Variants in KANK4 observed in about 807,000 individuals in gnomAD.
KANK4 encodes the protein KN motif and ankyrin repeat domain-containing protein 4.
Under a neutral mutation model 80.8 loss-of-function variants are expected in KANK4, and 50 were observed. That is an observed-to-expected ratio of 0.62 (90% CI 0.49 to 0.78). KANK4 has a LOEUF of 0.78. Ranked by LOEUF, KANK4 falls within the 30% of genes least tolerant of loss-of-function variation. The pLI is 0.00. For missense variants in KANK4, 1,196 were observed against 1,240.1 expected, an observed-to-expected ratio of 0.96 and a Z score of 0.53; for synonymous variants, 465 against 506.9, an observed-to-expected ratio of 0.92 and a Z score of 1.11.
rs770160300 is a variant in KANK4, at chr1:62,273,259, C to A, written c.1845G>T (p.Ser615=). 2 of 1,548,662 alleles carry A rather than the reference C, an allele frequency of 1.3e-6. No homozygotes were observed. The highest frequency in any genetic ancestry group is 2.0e-5 in the Admixed American group (1 of 50,606). Residue 615 remains serine (S), a synonymous_variant, in exon 3 of 10, where the codon TCG becomes TCT. Coordinates refer to ENST00000371153, the MANE Select transcript of KANK4 (RefSeq NM_181712.5). ...SSLNLLLSAY[S]AQAHPPKEPP... ...GCTCCTTGGGTGGGTGAGCCTGGGC[C>A]GAGTAGGCCGACAGCAGCAGGTTGA...
chr1:62,270,970 T>C (rs1672148160), intron 4 of KANK4, among the ~76,000 whole-genome samples: 1 of 152,230 alleles, frequency 6.6e-6, no homozygotes, highest in Non-Finnish European at 1.5e-5. Context: ...AATGACTGAT[T>C]TAGAAAATAT....
At chr1:62,271,081 G>T (rs952886765) in intron 4 of KANK4, among the ~76,000 whole-genome samples, 6 of 152,116 alleles carry the variant, frequency 3.9e-5, no homozygotes, top group Non-Finnish European at 7.3e-5. Flanking sequence ...CTTGGGTTTG[G>T]CTTGCAGGAA....
intron 8 of KANK4, among the ~76,000 whole-genome samples, chr1:62,252,056 T>C (rs374207378): frequency 6.6e-6 from 1 of 151,344 alleles, no homozygotes; most frequent in Admixed American, 6.6e-5. Context: ...ATCAGAGGTG[T>C]CTAGAGTAAC....
intron 7 of KANK4, 103 bp from the exon 8 acceptor site, chr1:62,253,312 T>C (rs1057489240): frequency 1.8e-6 from 2 of 1,105,360 alleles, no homozygotes; most frequent in Non-Finnish European, 1.3e-6. Context: ...TAGAAAGCCA[T>C]GGACTAGAGC....
chr1:62,259,919 T>C (rs17123246), intron 7 of KANK4, among the ~76,000 whole-genome samples: 2,184 of 152,220 alleles, frequency 0.014, 47 homozygotes, highest in African/African-American at 0.05. Context: ...CCCATACAGC[T>C]TTCCTAAACT....
chr1:62,313,493 C>G (rs1372469852), intron 1 of KANK4, among the ~76,000 whole-genome samples: 2 of 152,174 alleles, frequency 1.3e-5, no homozygotes, highest in Non-Finnish European at 2.9e-5. Flanking sequence ...CCTTTCTTTT[C>G]CTCTCACTCC....
chr1:62,241,819 C>T (rs1450686784), intron 9 of KANK4, among the ~76,000 whole-genome samples: 2 of 152,170 alleles, frequency 1.3e-5, no homozygotes, highest in Non-Finnish European at 2.9e-5. Flanking sequence ...CAATCCTAAG[C>T]CTCTATGTAA....
At chr1:62,294,323 T>C (rs1644340180) in intron 1 of KANK4, among the ~76,000 whole-genome samples, 1 of 152,126 alleles carries the variant, frequency 6.6e-6, no homozygotes, top group Non-Finnish European at 1.5e-5. Flanking sequence ...CAGCTCCACT[T>C]CCTCCCTCCT....
intron 9 of KANK4, among the ~76,000 whole-genome samples, chr1:62,246,100 G>A (rs1195119248): frequency 1.3e-5 from 2 of 152,206 alleles, no homozygotes; most frequent in African/African-American, 4.8e-5. Flanking sequence ...TCACAAGATT[G>A]TTGTGGGGTT....
chr1:62,297,770 A>G (rs1439095619), intron 1 of KANK4, among the ~76,000 whole-genome samples: 1 of 152,254 alleles, frequency 6.6e-6, no homozygotes, highest in Admixed American at 6.5e-5. Flanking sequence ...TTTAATCAAT[A>G]AAACACAATT....
In KANK4 at chr1:62,247,500, G is replaced by A. The variant is rs764283055; in HGVS notation, c.2855C>T (p.Pro952Leu). The change falls in exon 9 of 10, where the codon CCA (proline) becomes CTA (leucine). Residue 952 changes from proline (P) to leucine (L), a missense_variant. Pro to Leu is a moderately conservative substitution (Grantham distance 98). This residue lies in a region of KANK4 where 1,154 missense variants were observed against 1,179.6 expected (regional missense o/e 0.98). Transcript: ENST00000371153. Reference sequence around the variant, plus strand: ...GTCAGTCAGGCTGCTGTCGCAGGCTGGGTGTGCCAGGAGCAGCCGCACCAG... The same window carrying A: ...GTCAGTCAGGCTGCTGTCGCAGGCTAGGTGTGCCAGGAGCAGCCGCACCAG... ...VDLVRLLLAH[P>L]ACDSSLTDKA... The A allele has an allele frequency of 6.2e-7, 1 of 1,614,030 alleles. No homozygotes were observed. Among genetic ancestry groups the A allele is most frequent in the Non-Finnish European group, 8.5e-7 (1 of 1,180,036 alleles).
chr1:62,305,187 A>G (rs115167531), intron 1 of KANK4, among the ~76,000 whole-genome samples: 2,094 of 152,334 alleles, frequency 0.014, 46 homozygotes, highest in African/African-American at 0.048. Flanking sequence ...AAGCCTTCCT[A>G]TCAGAGAACA....
chr1:62,273,600 C>G lies in KANK4; in HGVS notation c.1504G>C (p.Glu502Gln). ...HSFLSTELRI[E>Q]EAGTEQEGGP... Reference sequence around the variant, plus strand: ...CCTTCCTGTTCAGTGCCTGCTTCTTCAATCCTGAGTTCAGTGGAGAGGAAG... The same window carrying G: ...CCTTCCTGTTCAGTGCCTGCTTCTTGAATCCTGAGTTCAGTGGAGAGGAAG... The change falls in exon 3 of 10, where the codon GAA becomes CAA. Residue 502 changes from glutamate to glutamine, a missense_variant. Transcript: ENST00000371153. 6.2e-7 allele frequency: 1 copy of G among 1,614,146 alleles called. No individual in the cohort carries two copies. The highest frequency in any genetic ancestry group is 8.5e-7 in the Non-Finnish European group (1 of 1,180,014).
At chr1:62,311,260 G>A (rs1644495398) in intron 1 of KANK4, among the ~76,000 whole-genome samples, 1 of 145,142 alleles carries the variant, frequency 6.9e-6, no homozygotes, top group African/African-American at 2.8e-5. Context: ...CCTAGAGCAA[G>A]TGTTTAACCT....
In KANK4 at chr1:62,274,704, C is replaced by T. The variant is rs1224314931; in HGVS notation, c.400G>A (p.Ala134Thr). 1.2e-6 allele frequency: 2 copies of T among 1,614,198 alleles called. No homozygotes were observed. The highest frequency in any genetic ancestry group is 1.7e-6 in the Non-Finnish European group (2 of 1,180,032). Residue 134 changes from alanine to threonine, a missense_variant, in exon 3 of 10, where the codon GCA becomes ACA. Ala to Thr is a moderately conservative substitution (Grantham distance 58). This residue lies in a region of KANK4 where 1,154 missense variants were observed against 1,179.6 expected (regional missense o/e 0.98). Coordinates refer to ENST00000371153, the MANE Select transcript of KANK4 (RefSeq NM_181712.5). ...GCTTCCAACTGTCTGGTGGCCTCTGCCAACAGAGCCTTCCTGTGGTAGCTC... is the reference window on the plus strand; with the variant it reads ...GCTTCCAACTGTCTGGTGGCCTCTGTCAACAGAGCCTTCCTGTGGTAGCTC... ...EVSYHRKALL[A>T]EATRQLEAAE...
intron 2 of KANK4, among the ~76,000 whole-genome samples, chr1:62,277,626 C>T (rs556796694): frequency 6.6e-6 from 1 of 152,170 alleles, no homozygotes; most frequent in Non-Finnish European, 1.5e-5. Flanking sequence ...TCCACCTTTC[C>T]TGAGACTGCC....
Position 62,257,577 on chromosome 1 carries a change from A to G in KANK4, c.2540-4368T>C, listed in dbSNP as rs577334863. On this transcript the variant is annotated intron_variant, in intron 7 of 9. Coordinates refer to ENST00000371153, the MANE Select transcript of KANK4 (RefSeq NM_181712.5). ...GCCGGCAGAGGTGCACTCTGGCTCTATTCTCAATAATGAGTCACTTCTGTA... is the reference window on the plus strand; with the variant it reads ...GCCGGCAGAGGTGCACTCTGGCTCTGTTCTCAATAATGAGTCACTTCTGTA... Among the ~76,000 whole-genome samples, 330 of 152,320 alleles carry G rather than the reference A, an allele frequency of 2.2e-3. 6 individuals are homozygous for G. In the South Asian group the frequency reaches 0.033, roughly 15 times the overall value.
intron 1 of KANK4, among the ~76,000 whole-genome samples, chr1:62,309,704 G>C (rs1331519732): frequency 6.6e-6 from 1 of 152,160 alleles, no homozygotes; most frequent in Non-Finnish European, 1.5e-5. Flanking sequence ...GGAAGCTGAG[G>C]ATAGGGCAGC....
rs541598641 is a variant in KANK4, at chr1:62,284,507, T to C, written c.-70-2873A>G. The stretch of plus-strand genomic sequence containing the variant: ...CTAATTTTTGTATTTTTAGTAGAGA[T>C]GGGGTTTCACTATGTTGGCCAGGCT... On this transcript the variant is annotated intron_variant, in intron 1 of 9. Transcript: ENST00000371153. 1.3e-3 allele frequency among the ~76,000 whole-genome samples: 192 copies of C among 152,198 alleles called. 1 individual carries two copies. The highest frequency in any genetic ancestry group is 4.4e-3 in the African/African-American group (183 of 41,530).
Sources: gnomAD v4.1 joint callset for allele counts (sites outside exome capture counted in the v4.1 genomes callset) on GRCh38, gnomAD v4.1.1 for gene constraint, gnomAD v4.1.1 regional missense constraint, MANE v1.5 for transcripts, NCBI Gene and HGNC (gene_info 2026-07-23, HGNC 2026-07-21) for gene names.